GPC6: variants seen among roughly 807,000 people sequenced by gnomAD.
GPC6 encodes the protein glypican 6.
Under a neutral mutation model 55.2 loss-of-function variants are expected in GPC6, and 14 were observed. The observed-to-expected ratio is 0.25, with a 90% CI of 0.17 to 0.40. The LOEUF is 0.40. Among genes scored for constraint, GPC6 ranks in the 10% least tolerant of loss-of-function variants. The probability of loss-of-function intolerance (pLI) is 1.00; values close to 1 mark genes in which losing one functional copy is unlikely to be tolerated. For missense variants in GPC6, 641 were observed against 708.5 expected (o/e 0.90, Z 1.08); for synonymous variants, 278 against 259.6 (o/e 1.07, Z -0.68).
chr13:93,286,828 G>A (rs1179197204), intron 1 of GPC6, among the ~76,000 whole-genome samples: 1 of 151,900 alleles, frequency 6.6e-6, no homozygotes, highest in Non-Finnish European at 1.5e-5. Context: ...CTTCTTTCCT[G>A]ATGCTGTTAG....
At chr13:93,886,096 G>C (rs550399523) in intron 3 of GPC6, among the ~76,000 whole-genome samples, 1 of 152,060 alleles carries the variant, frequency 6.6e-6, no homozygotes, top group Non-Finnish European at 1.5e-5. Flanking sequence ...TTGAATTTAA[G>C]TATAAAAATT....
intron 3 of GPC6, among the ~76,000 whole-genome samples, chr13:93,900,098 G>A (rs925543627): frequency 1.3e-5 from 2 of 151,974 alleles, no homozygotes; most frequent in South Asian, 2.1e-4. Context: ...GATGAAATTC[G>A]TGTCCTAAAT....
chr13:94,405,962 C>T lies in GPC6; in HGVS notation c.*2745C>T, dbSNP rs534000400. 1 of 152,148 alleles carries T rather than the reference C, an allele frequency of 6.6e-6. No homozygotes were observed. The highest frequency in any genetic ancestry group is 1.5e-5 in the Non-Finnish European group (1 of 67,998). 9.4% of individuals were successfully genotyped at this position (152,148 alleles called of 1,614,324 possible). On this transcript the variant is annotated 3_prime_UTR_variant, in exon 9 of 9. Coordinates refer to ENST00000377047, the MANE Select transcript of GPC6 (RefSeq NM_005708.5). Reference sequence around the variant, plus strand: ...CTATTTCAGTAAGTATTTTGGAATTCAACCCTCGAATTATTTTTTCTCATT... The same window carrying T: ...CTATTTCAGTAAGTATTTTGGAATTTAACCCTCGAATTATTTTTTCTCATT...
intron 4 of GPC6, among the ~76,000 whole-genome samples, chr13:94,128,010 T>C (rs1261756684): frequency 6.6e-6 from 1 of 152,192 alleles, no homozygotes; most frequent in Admixed American, 6.6e-5. Context: ...ACAGTCATGA[T>C]TATTTCTGCT....
intron 1 of GPC6, among the ~76,000 whole-genome samples, chr13:93,258,798 A>T (rs1179951151): frequency 6.6e-6 from 1 of 152,042 alleles, no homozygotes; most frequent in East Asian, 1.9e-4. Context: ...AAATAAAAAA[A>T]AATTAGCCTG....
At chr13:93,655,231 T>C (rs1442120803) in intron 2 of GPC6, among the ~76,000 whole-genome samples, 1 of 152,140 alleles carries the variant, frequency 6.6e-6, no homozygotes, top group African/African-American at 2.4e-5. Flanking sequence ...TTTTCTTTTT[T>C]TCCCCAGATA....
At chr13:93,320,645 A>G (rs1329790029) in intron 1 of GPC6, among the ~76,000 whole-genome samples, 1 of 151,912 alleles carries the variant, frequency 6.6e-6, no homozygotes, top group Non-Finnish European at 1.5e-5. Context: ...ATATATATAT[A>G]TATACACACA....
intron 1 of GPC6, among the ~76,000 whole-genome samples, chr13:93,449,049 C>T (rs1477354402): frequency 6.6e-6 from 1 of 152,208 alleles, no homozygotes; most frequent in East Asian, 1.9e-4. Flanking sequence ...AGGCACAAGA[C>T]ATTGAATTCT....
Position 94,403,037 on chromosome 13 carries a change from G to C in GPC6, c.1488G>C (p.Gly496=), listed in dbSNP as rs1234632425. 2 of 1,612,860 alleles carry C rather than the reference G, an allele frequency of 1.2e-6. No individual in the cohort carries two copies. The highest frequency in any genetic ancestry group is 8.5e-7 in the Non-Finnish European group (1 of 1,178,804). The change falls in exon 9 of 9, where the codon GGG becomes GGC. Residue 496 remains glycine (G), a synonymous_variant. Coordinates refer to ENST00000377047, the MANE Select transcript of GPC6 (RefSeq NM_005708.5). The part of the protein sequence containing the change: ...QDTSDESSGS[G]SGSGCMDDVC... ...TAGGTGATGAATCCAGTGGCTCAGG[G>C]AGTGGCAGTGGGTGCATGGATGACG...
intron 1 of GPC6, among the ~76,000 whole-genome samples, chr13:93,302,258 C>T (rs1878706711): frequency 6.6e-6 from 1 of 152,076 alleles, no homozygotes; most frequent in South Asian, 2.1e-4. Flanking sequence ...TTATTAATTG[C>T]CCTCTGTCAT....
intron 1 of GPC6, among the ~76,000 whole-genome samples, chr13:93,492,462 T>C (rs1006501400): frequency 2.6e-5 from 4 of 151,134 alleles, no homozygotes; most frequent in Admixed American, 6.6e-5. Flanking sequence ...TCATGTCGTC[T>C]GCAAACAGGG....
At chr13:93,514,062 C>T (rs1175380802) in intron 1 of GPC6, among the ~76,000 whole-genome samples, 1 of 151,870 alleles carries the variant, frequency 6.6e-6, no homozygotes, top group Non-Finnish European at 1.5e-5. Context: ...TTAGTAGAAA[C>T]AGAGTTTCAC....
chr13:93,840,926 T>G (rs1887933032), intron 3 of GPC6, among the ~76,000 whole-genome samples: 1 of 152,186 alleles, frequency 6.6e-6, no homozygotes. Flanking sequence ...ACCTGACGTT[T>G]ATCCCAGTCT....
At chr13:93,966,011 T>G (rs1381804391) in intron 3 of GPC6, among the ~76,000 whole-genome samples, 2 of 152,156 alleles carry the variant, frequency 1.3e-5, no homozygotes, top group Non-Finnish European at 2.9e-5. Context: ...CACAGGCCAG[T>G]TATGAAAGGA....
chr13:93,657,953 A>G (rs1880755899), intron 2 of GPC6, among the ~76,000 whole-genome samples: 2 of 152,056 alleles, frequency 1.3e-5, no homozygotes, highest in African/African-American at 2.4e-5. Context: ...AAAATAACAG[A>G]TGTTGGTGAG....
intron 4 of GPC6, among the ~76,000 whole-genome samples, chr13:94,046,761 A>G (rs912183154): frequency 6.6e-6 from 1 of 152,068 alleles, no homozygotes; most frequent in African/African-American, 2.4e-5. Flanking sequence ...GTTTTCAATG[A>G]GGTTACATTT....
rs1884906877 is a variant in GPC6, at chr13:93,760,026, A to AAAAC, written c.320-70125_320-70124insCAAA. Among the ~76,000 whole-genome samples the AAAAC allele has an allele frequency of 9.4e-3, 4 of 426 alleles. No individual in the cohort carries two copies. The Admixed American group carries it at 0.21, about 23-fold the overall frequency. 0.3% of individuals were successfully genotyped at this position (426 alleles called of 152,430 possible). A position where few individuals can be genotyped will look rare whatever the true frequency, so the allele number is the denominator to read the frequency against. On this transcript the variant is annotated intron_variant, in intron 2 of 8. Transcript: ENST00000377047. ...AAAAGGAAAAAAATGCTGAGAAAAC[A>AAAAC]AAAAAAAAAATCGTGAATAACAGGG...
At chr13:93,599,683 A>G (rs1223623130) in intron 2 of GPC6, among the ~76,000 whole-genome samples, 1 of 152,198 alleles carries the variant, frequency 6.6e-6, no homozygotes, top group African/African-American at 2.4e-5. Context: ...ATGTCTTCAT[A>G]AGGTTTTATT....
chr13:93,824,696 T>G (rs1475675565), intron 2 of GPC6, among the ~76,000 whole-genome samples: 1 of 152,088 alleles, frequency 6.6e-6, no homozygotes, highest in Non-Finnish European at 1.5e-5. Flanking sequence ...GTATAAGAAT[T>G]TGCAAGATGA....
Sources: gnomAD v4.1 joint callset for allele counts (sites outside exome capture counted in the v4.1 genomes callset) on GRCh38, gnomAD v4.1.1 for gene constraint, MANE v1.5 for transcripts, NCBI Gene and HGNC (gene_info 2026-07-23, HGNC 2026-07-21) for gene names.